PIK3R4: variants seen among roughly 807,000 people sequenced by gnomAD.
PIK3R4 encodes phosphoinositide 3-kinase regulatory subunit 4.
PIK3R4 carries 46 observed loss-of-function variants against 136.5 expected under a neutral mutation model. The observed-to-expected ratio is 0.34, with a 90% CI of 0.27 to 0.43. The LOEUF (loss-of-function observed/expected upper bound fraction) is 0.43, where lower values mean the gene tolerates loss of function less well. Ranked by LOEUF, PIK3R4 falls within the 20% of genes least tolerant of loss-of-function variation. The pLI, the probability that PIK3R4 is intolerant of heterozygous loss-of-function variation, is 1.00. For synonymous variants in PIK3R4, 557 were observed against 566.7 expected, an observed-to-expected ratio of 0.98 and a Z score of 0.24; for missense variants, 1,331 against 1,649.5, an observed-to-expected ratio of 0.81 and a Z score of 3.35.
At position 130,723,062 on chromosome 3, in the gene PIK3R4, C is replaced by CAAAA. The variant is rs61129038; in HGVS notation, c.1981+348_1981+351dup. 2.0e-3 allele frequency among the ~76,000 whole-genome samples: 39 copies of CAAAA among 19,500 alleles called. 1 individual carries two copies. Among genetic ancestry groups the CAAAA allele is most frequent in the East Asian group, 0.011 (5 of 476 alleles). 12.8% of individuals were successfully genotyped at this position (19,500 alleles called of 152,430 possible). On this transcript the variant is annotated intron_variant, in intron 7 of 19. Transcript: ENST00000356763. The stretch of plus-strand genomic sequence containing the variant: ...TGGGTGACAGAGTGAGAGACTGTCG[C>CAAAA]AAAAAAAAAAAAAAAAAAAAAAAAA...
Position 130,702,284 on chromosome 3 carries a change from C to A in PIK3R4, c.3098+1439G>T, listed in dbSNP as rs144231261. Among the ~76,000 whole-genome samples the A allele has an allele frequency of 5.5e-3, 841 of 152,198 alleles. 4 individuals carry two copies. The highest frequency in any genetic ancestry group is 7.8e-3 in the Non-Finnish European group (529 of 68,000). On this transcript the variant is annotated intron_variant, in intron 13 of 19. Coordinates refer to ENST00000356763, the MANE Select transcript of PIK3R4 (RefSeq NM_014602.3). ...GATGTTCACTGTGAAACACTTTCAA[C>A]TTTGCTTGCATATTTGAATATTTTA...
intron 2 of PIK3R4, among the ~76,000 whole-genome samples, chr3:130,741,100 C>T (rs1341567663): frequency 6.6e-6 from 1 of 152,134 alleles, no homozygotes; most frequent in Non-Finnish European, 1.5e-5. Flanking sequence ...CCCTGCCTCC[C>T]CTCCTGCAAG....
chr3:130,683,107 C>A (rs568543155), intron 16 of PIK3R4, among the ~76,000 whole-genome samples: 54 of 152,238 alleles, frequency 3.5e-4, no homozygotes, highest in African/African-American at 1.3e-3. Context: ...AGAAAAAGAG[C>A]AGTCGAGGAT....
At chr3:130,685,610 A>C (rs1200359305) in intron 15 of PIK3R4, among the ~76,000 whole-genome samples, 1 of 152,240 alleles carries the variant, frequency 6.6e-6, no homozygotes, top group Non-Finnish European at 1.5e-5. Flanking sequence ...ATCATGCAAC[A>C]ATACATTTTT....
At chr3:130,691,809 CTTGT>C (rs1257937284) in intron 13 of PIK3R4, among the ~76,000 whole-genome samples, 2 of 149,054 alleles carry the variant, frequency 1.3e-5, no homozygotes, top group Non-Finnish European at 3.0e-5. Flanking sequence ...TACATTCACA[CTTGT>C]TTTTTTTAAA....
intron 13 of PIK3R4, among the ~76,000 whole-genome samples, chr3:130,693,644 G>A (rs562620552): frequency 1.3e-5 from 2 of 152,158 alleles, no homozygotes; most frequent in South Asian, 2.1e-4. Context: ...TTATTGTTGA[G>A]TTGTAAGTGT....
chr3:130,716,253 T>C (rs1012229629), intron 9 of PIK3R4, 143 bp downstream of exon 9: 1 of 645,544 alleles, frequency 1.5e-6, no homozygotes, highest in South Asian at 2.0e-5. Context: ...CAAAAGCAAA[T>C]GCCTAAGATG....
At chr3:130,735,191 T>TA (rs2066779502) in intron 3 of PIK3R4, among the ~76,000 whole-genome samples, 2 of 152,158 alleles carry the variant, frequency 1.3e-5, no homozygotes, top group African/African-American at 4.8e-5. Context: ...TAAGAGAAAT[T>TA]AAAATGTATT....
chr3:130,744,025 A>T (rs1487839854), intron 2 of PIK3R4, among the ~76,000 whole-genome samples: 2 of 152,222 alleles, frequency 1.3e-5, no homozygotes, highest in Non-Finnish European at 2.9e-5. Context: ...TCTTTCTATT[A>T]AAGAGGCCTT....
chr3:130,705,512 C>T (rs1455612739), intron 12 of PIK3R4, 49 bp downstream of exon 12: 2 of 1,196,052 alleles, frequency 1.7e-6, no homozygotes, highest in Non-Finnish European at 2.5e-6. Context: ...TAGATTCTAG[C>T]CTTAAGCACC....
intron 9 of PIK3R4, 45 bp from the exon 10 acceptor site, chr3:130,708,537 A>G (rs779347795): frequency 5.3e-6 from 8 of 1,523,644 alleles, no homozygotes; most frequent in Non-Finnish European, 5.4e-6. Flanking sequence ...TTTCACAAAT[A>G]ATAAAAACAA....
At position 130,716,496 on chromosome 3, in the gene PIK3R4, T is replaced by A. The variant is rs2066665689; in HGVS notation, c.2231A>T (p.His744Leu). ...TCGTTTCTTCTGACGCATGTGAAGATGTCTGAACAAGCTAGTAATATCTTT... is the reference window on the plus strand; with the variant it reads ...TCGTTTCTTCTGACGCATGTGAAGAAGTCTGAACAAGCTAGTAATATCTTT... Reference protein sequence around the residue: ...RSKDITSLFRHLHMRQKKRNG... With the variant: ...RSKDITSLFRLLHMRQKKRNG... The change falls in exon 9 of 20, where the codon CAT becomes CTT. Residue 744 changes from histidine (H) to leucine (L), a missense_variant. Physicochemically the swap from His to Leu is moderately conservative, Grantham distance 99. Coordinates refer to ENST00000356763, the MANE Select transcript of PIK3R4 (RefSeq NM_014602.3). 1 of 1,613,616 alleles carries A rather than the reference T, an allele frequency of 6.2e-7. No homozygotes were observed. The highest frequency in any genetic ancestry group is 1.7e-5 in the Admixed American group (1 of 60,010).
intron 2 of PIK3R4, among the ~76,000 whole-genome samples, chr3:130,744,281 T>C (rs1046268810): frequency 3.3e-5 from 5 of 152,264 alleles, no homozygotes; most frequent in African/African-American, 1.2e-4. Flanking sequence ...TATGTTTATA[T>C]GTTTGTGTAA....
At position 130,682,525 on chromosome 3, in the gene PIK3R4, G is replaced by A. The variant is rs1017008039; in HGVS notation, c.3608-934C>T. 6.6e-5 allele frequency among the ~76,000 whole-genome samples: 10 copies of A among 152,214 alleles called. No homozygotes were observed. In the South Asian group the frequency reaches 8.3e-4, roughly 13 times the overall value. ...AACTAATACTTGCCTATGGGAAACCGCAGCAGGAGATCAAAGGGAGGGAGG... is the reference window on the plus strand; with the variant it reads ...AACTAATACTTGCCTATGGGAAACCACAGCAGGAGATCAAAGGGAGGGAGG... On this transcript the variant is annotated intron_variant, in intron 16 of 19. Coordinates refer to ENST00000356763, the MANE Select transcript of PIK3R4 (RefSeq NM_014602.3).
At chr3:130,695,137 T>G (rs2066539474) in intron 13 of PIK3R4, among the ~76,000 whole-genome samples, 1 of 152,180 alleles carries the variant, frequency 6.6e-6, no homozygotes, top group Admixed American at 6.5e-5. Flanking sequence ...TACTTGGTCA[T>G]GATATTATTT....
At chr3:130,719,158 A>G (rs1289823734) in intron 7 of PIK3R4, among the ~76,000 whole-genome samples, 2 of 152,242 alleles carry the variant, frequency 1.3e-5, no homozygotes, top group East Asian at 1.9e-4. Context: ...AGTTTAAAAT[A>G]TAACATTAAA....
At chr3:130,738,156 G>A (rs1243714781) in intron 2 of PIK3R4, among the ~76,000 whole-genome samples, 1 of 151,910 alleles carries the variant, frequency 6.6e-6, no homozygotes, top group Non-Finnish European at 1.5e-5. Context: ...TCGAAAAACA[G>A]CTATTAAAAA....
At chr3:130,727,340 C>CG (rs965019916) in intron 6 of PIK3R4, among the ~76,000 whole-genome samples, 2 of 99,234 alleles carry the variant, frequency 2.0e-5, no homozygotes, top group East Asian at 5.9e-4. Context: ...CCTGCCTCAG[C>CG]CCCCCTCCCG....
chr3:130,723,616 T>A, intron 6 of PIK3R4, 29 bp from the exon 7 acceptor site: 1 of 1,590,262 alleles, frequency 6.3e-7, no homozygotes, highest in Non-Finnish European at 8.6e-7. Context: ...ATTATGTGAT[T>A]ATTCAATACC....
Sources: gnomAD v4.1 joint callset for allele counts (sites outside exome capture counted in the v4.1 genomes callset) on GRCh38, gnomAD v4.1.1 for gene constraint, MANE v1.5 for transcripts, NCBI Gene and HGNC (gene_info 2026-07-23, HGNC 2026-07-21) for gene names.